Variants in RBFOX1 observed in about 807,000 individuals in gnomAD.
RBFOX1 encodes RNA binding fox-1 homolog 1, also known as RNA binding protein fox-1 homolog 1.
Under a neutral mutation model 57.7 loss-of-function variants are expected in RBFOX1, and 8 were observed. That is an observed-to-expected ratio of 0.14 (90% CI 0.08 to 0.25). RBFOX1 has a LOEUF of 0.25. Ranked by LOEUF, RBFOX1 falls within the 10% of genes least tolerant of loss-of-function variation. The pLI is 1.00. For synonymous variants in RBFOX1, 326 were observed against 222.4 expected (o/e 1.47, Z -4.15); for missense variants, 611 against 548.5 (o/e 1.11, Z -1.14).
At chr16:5,885,565 T>C (rs1444547619) in intron 4 of RBFOX1, among the ~76,000 whole-genome samples, 1 of 152,084 alleles carries the variant, frequency 6.6e-6, no homozygotes, top group Non-Finnish European at 1.5e-5. Flanking sequence ...AAGTGATGGG[T>C]AAGAGTGTTT....
At chr16:6,799,309 C>G (rs1398906264) in intron 3 of RBFOX1, among the ~76,000 whole-genome samples, 1 of 152,068 alleles carries the variant, frequency 6.6e-6, no homozygotes, top group Non-Finnish European at 1.5e-5. Flanking sequence ...GTATTTCTAG[C>G]TACTTATCAT....
intron 3 of RBFOX1, among the ~76,000 whole-genome samples, chr16:7,029,439 G>A (rs922415598): frequency 6.6e-5 from 10 of 151,600 alleles, no homozygotes; most frequent in African/African-American, 2.4e-4. Flanking sequence ...TCTCTGTCAA[G>A]AAAAATCATC....
intron 4 of RBFOX1, among the ~76,000 whole-genome samples, chr16:5,873,956 G>T (rs974902878): frequency 7.2e-5 from 11 of 152,142 alleles, no homozygotes; most frequent in Admixed American, 3.3e-4. Flanking sequence ...CAGAGAATAA[G>T]TGAAAAGTAA....
intron 4 of RBFOX1, chr16:7,126,289 C>G (rs751694046): frequency 9.5e-6 from 3 of 316,286 alleles, no homozygotes; most frequent in East Asian, 9.3e-5. Context: ...AAGGACTCAG[C>G]TCCTTACATG....
chr16:5,413,349 C>T lies in RBFOX1; in HGVS notation c.220-53867C>T, dbSNP rs920316040. On this transcript the variant is annotated intron_variant, in intron 1 of 2. Coordinates refer to the RBFOX1 transcript ENST00000585867. ...CAGAAAGGGCTTTATTTTCTTTCTCCTCATTACTGGCTACTGAAAGAACTC... is the reference window on the plus strand; with the variant it reads ...CAGAAAGGGCTTTATTTTCTTTCTCTTCATTACTGGCTACTGAAAGAACTC... Among the ~76,000 whole-genome samples the T allele has an allele frequency of 2.6e-5, 4 of 152,158 alleles. No individual in the cohort carries two copies. In the East Asian group the frequency reaches 7.7e-4, roughly 29 times the overall value.
At chr16:7,220,515 A>C (rs1433478600) in intron 4 of RBFOX1, among the ~76,000 whole-genome samples, 1 of 152,156 alleles carries the variant, frequency 6.6e-6, no homozygotes, top group African/African-American at 2.4e-5. Context: ...ATTATGTGTG[A>C]TTTCTGCCTT....
chr16:6,900,148 G>C (rs1811240420), intron 3 of RBFOX1, among the ~76,000 whole-genome samples: 1 of 152,170 alleles, frequency 6.6e-6, no homozygotes. Flanking sequence ...GCTGGTGGTG[G>C]TGGTGGTGGT....
chr16:6,405,890 A>G (rs77432161), intron 2 of RBFOX1, among the ~76,000 whole-genome samples: 2,055 of 152,324 alleles, frequency 0.013, 24 homozygotes, highest in Non-Finnish European at 0.023. Flanking sequence ...CAATGGTTTA[A>G]CCTCCTTTCC....
rs145297058 is a variant in RBFOX1 at position 7,213,285 on chromosome 16, G to T, written c.27+161187G>T. Reference sequence around the variant, plus strand: ...TCCCCATTCTGGCTGCAACACATTCGCTGAGGTTGCCTTAAAAAATCACGT... The same window carrying T: ...TCCCCATTCTGGCTGCAACACATTCTCTGAGGTTGCCTTAAAAAATCACGT... On this transcript the variant is annotated intron_variant, in intron 4 of 15. Coordinates refer to ENST00000550418, the MANE Select transcript of RBFOX1 (RefSeq NM_018723.4). Among the ~76,000 whole-genome samples the T allele has an allele frequency of 1.0e-3, 155 of 152,212 alleles. 1 individual carries two copies. The highest frequency in any genetic ancestry group is 3.6e-3 in the African/African-American group (151 of 41,536).
At chr16:5,607,167 C>T (rs1395889155) in intron 3 of RBFOX1, among the ~76,000 whole-genome samples, 1 of 152,184 alleles carries the variant, frequency 6.6e-6, no homozygotes, top group Non-Finnish European at 1.5e-5. Flanking sequence ...CTCTACTTCT[C>T]ACTGCTAATG....
intron 2 of RBFOX1, among the ~76,000 whole-genome samples, chr16:6,400,705 C>A (rs1315788525): frequency 1.3e-5 from 2 of 152,126 alleles, no homozygotes; most frequent in Non-Finnish European, 2.9e-5. Flanking sequence ...CACTTCAAAT[C>A]TGGCCAACAC....
chr16:6,806,988 C>G (rs1379303990), intron 3 of RBFOX1, among the ~76,000 whole-genome samples: 1 of 151,286 alleles, frequency 6.6e-6, no homozygotes, highest in African/African-American at 2.4e-5. Flanking sequence ...CACGTCTCAC[C>G]ACGTCCAGCT....
intron 4 of RBFOX1, among the ~76,000 whole-genome samples, chr16:7,244,168 T>A (rs2094190167): frequency 7.0e-6 from 1 of 142,910 alleles, no homozygotes; most frequent in Non-Finnish European, 1.5e-5. Flanking sequence ...AGAAAAAAAA[T>A]CAGAGTAAAT....
At chr16:6,046,263 A>G (rs2095494332) in intron 1 of RBFOX1, among the ~76,000 whole-genome samples, 1 of 152,206 alleles carries the variant, frequency 6.6e-6, no homozygotes, top group Non-Finnish European at 1.5e-5. Context: ...GTAGGAATGG[A>G]TATACTTTTT....
intron 4 of RBFOX1, among the ~76,000 whole-genome samples, chr16:7,300,616 A>AT (rs34041062): frequency 0.76 from 114,494 of 151,616 alleles, 43,464 homozygotes; most frequent in East Asian, 0.95. Flanking sequence ...TATAGAAAGT[A>AT]TTTTTTTTAG....
chr16:5,763,974 T>G (rs1306976793), intron 3 of RBFOX1, among the ~76,000 whole-genome samples: 3 of 152,256 alleles, frequency 2.0e-5, no homozygotes, highest in East Asian at 3.8e-4. Context: ...CTATCTCCTA[T>G]GCTAGAACAC....
chr16:6,546,357 G>A (rs1462539755), intron 2 of RBFOX1, among the ~76,000 whole-genome samples: 1 of 152,188 alleles, frequency 6.6e-6, no homozygotes, highest in East Asian at 1.9e-4. Flanking sequence ...CAAACTGGGT[G>A]GCTAAAAATG....
At chr16:7,025,571 G>A (rs140449978) in intron 3 of RBFOX1, among the ~76,000 whole-genome samples, 1 of 152,142 alleles carries the variant, frequency 6.6e-6, no homozygotes, top group Non-Finnish European at 1.5e-5. Flanking sequence ...ATAAGATTGT[G>A]CAGTGTGCAT....
intron 1 of RBFOX1, among the ~76,000 whole-genome samples, chr16:6,031,354 A>G (rs550325960): frequency 6.6e-6 from 1 of 152,338 alleles, no homozygotes; most frequent in East Asian, 1.9e-4. Context: ...TGGCTGGCAA[A>G]GCCTGCAGAG....
Sources: allele counts gnomAD v4.1 joint callset (sites outside exome capture counted in the v4.1 genomes callset), GRCh38; gene constraint gnomAD v4.1.1; transcripts MANE v1.5; gene names NCBI Gene and HGNC (gene_info 2026-07-23, HGNC 2026-07-21).